The following MMAA variants were observed in gnomAD, a reference collection of about 807,000 sequenced individuals.
The protein encoded by MMAA is metabolism of cobalamin associated A.
Under a neutral mutation model 45.0 loss-of-function variants are expected in MMAA, and 41 were observed. That is an observed-to-expected ratio of 0.91 (90% CI 0.71 to 1.18). The LOEUF (loss-of-function observed/expected upper bound fraction) is 1.18. Among genes scored for constraint, MMAA ranks in the 50% most tolerant of loss-of-function variants. The probability of loss-of-function intolerance (pLI) is 0.00; values close to 1 mark genes in which losing one functional copy is unlikely to be tolerated. For synonymous variants in MMAA, 154 were observed against 178.2 expected, an observed-to-expected ratio of 0.86 and a Z score of 1.08; for missense variants, 460 against 495.7, an observed-to-expected ratio of 0.93 and a Z score of 0.68.
At chr4:145,629,444 A>G (rs1236548934) in intron 1 of MMAA, among the ~76,000 whole-genome samples, 1 of 152,178 alleles carries the variant, frequency 6.6e-6, no homozygotes, top group Non-Finnish European at 1.5e-5. Context: ...TCAGTTTGCT[A>G]GTATTTTATT....
At chr4:145,637,201 C>G (rs1366900023) in intron 1 of MMAA, among the ~76,000 whole-genome samples, 68 of 152,212 alleles carry the variant, frequency 4.5e-4, no homozygotes, top group Non-Finnish European at 1.6e-4. Context: ...CAGTTCTTGC[C>G]TGTGGGATTC....
chr4:145,652,561 T>C (rs1728123432), intron 5 of MMAA, among the ~76,000 whole-genome samples: 2 of 151,948 alleles, frequency 1.3e-5, no homozygotes, highest in Non-Finnish European at 2.9e-5. Flanking sequence ...ACCCCGTCTC[T>C]ACTAAAAATA....
intron 4 of MMAA, among the ~76,000 whole-genome samples, chr4:145,648,829 T>TA (rs935835328): frequency 2.7e-4 from 41 of 151,016 alleles, no homozygotes; most frequent in African/African-American, 9.2e-4. Flanking sequence ...TACAGAAAAA[T>TA]AAAAAAATTA....
intron 1 of MMAA, chr4:145,625,658 G>A: frequency 8.4e-7 from 1 of 1,187,504 alleles, no homozygotes; most frequent in Non-Finnish European, 1.3e-6. Flanking sequence ...GGGTCAAACT[G>A]CCCAGTCTCT....
chr4:145,646,247 T>C lies in MMAA; in HGVS notation c.733+91T>C. ...AACTTATTTTTGTTCATTCAGCAGA[T>C]ATTTGCTAAATGTATAATTAAATAC... On this transcript the variant is annotated intron_variant, in intron 4 of 6. Coordinates refer to ENST00000649156, the MANE Select transcript of MMAA (RefSeq NM_172250.3). 2.1e-6 allele frequency: 3 copies of C among 1,436,896 alleles called. No individual in the cohort carries two copies. The South Asian group carries it at 3.5e-5, about 17-fold the overall frequency. 89.0% of individuals were successfully genotyped at this position (1,436,896 alleles called of 1,614,324 possible).
At chr4:145,638,959 A>G in intron 1 of MMAA, 116 bp from the exon 2 acceptor site, 3 of 626,666 alleles carry the variant, frequency 4.8e-6, no homozygotes, top group Non-Finnish European at 8.3e-6. Context: ...TTGTACTACC[A>G]AAAACTCTGA....
chr4:145,630,031 G>C (rs113441893), intron 1 of MMAA, among the ~76,000 whole-genome samples: 8 of 151,954 alleles, frequency 5.3e-5, no homozygotes, highest in African/African-American at 1.7e-4. Context: ...TAATGAATTT[G>C]GAAATACTCC....
intron 3 of MMAA, among the ~76,000 whole-genome samples, chr4:145,644,754 T>C (rs1727879958): frequency 6.6e-6 from 1 of 152,234 alleles, no homozygotes; most frequent in Admixed American, 6.5e-5. Flanking sequence ...GGCAAAGACT[T>C]ATTTAAAGCA....
chr4:145,647,029 A>T (rs1023154634), intron 4 of MMAA, among the ~76,000 whole-genome samples: 4 of 152,194 alleles, frequency 2.6e-5, no homozygotes, highest in Non-Finnish European at 4.4e-5. Flanking sequence ...TATTTTGGAG[A>T]GATCCCTGGC....
rs141564159 is a variant in MMAA at position 145,625,252 on chromosome 4, G to A, written c.-66+5845G>A. ...CAGGAACTTCCTGTTGCTGACTCTTGAGGAGCAAGTTTTCTAAGCCCTTTA... is the reference window on the plus strand; with the variant it reads ...CAGGAACTTCCTGTTGCTGACTCTTAAGGAGCAAGTTTTCTAAGCCCTTTA... On this transcript the variant is annotated intron_variant, in intron 1 of 6. Transcript: ENST00000649156. 2.3e-4 allele frequency: 216 copies of A among 925,990 alleles called. No individual in the cohort carries two copies. The African/African-American group carries it at 3.2e-3, about 14-fold the overall frequency. The allele number at this position is 925,990 out of a possible 1,614,324, so 57.4% of individuals were successfully genotyped here. A position where few individuals can be genotyped will look rare whatever the true frequency, so the allele number is the denominator to read the frequency against.
In MMAA at chr4:145,656,902, G is replaced by A. The variant is rs561582557; in HGVS notation, c.*1468G>A. 1 of 152,272 alleles carries A rather than the reference G, an allele frequency of 6.6e-6. No individual in the cohort carries two copies. Among genetic ancestry groups the A allele is most frequent in the South Asian group, 2.1e-4 (1 of 4,826 alleles). 9.4% of individuals were successfully genotyped at this position (152,272 alleles called of 1,614,324 possible). On this transcript the variant is annotated 3_prime_UTR_variant, in exon 7 of 7. Coordinates refer to ENST00000649156, the MANE Select transcript of MMAA (RefSeq NM_172250.3). Reference sequence around the variant, plus strand: ...AGATTTTTAGTACTCCATTGGCATAGCTATTTCATACAAGGATTAGGAGAA... The same window carrying A: ...AGATTTTTAGTACTCCATTGGCATAACTATTTCATACAAGGATTAGGAGAA...
intron 6 of MMAA, 88 bp from the exon 7 acceptor site, chr4:145,655,059 T>G (rs1252921158): frequency 2.8e-6 from 4 of 1,434,250 alleles, no homozygotes; most frequent in Non-Finnish European, 3.9e-6. Flanking sequence ...TTGTAGACCG[T>G]AAGAATTAAC....
rs550522455 is a variant in MMAA at position 145,639,590 on chromosome 4, T to G, written c.439+12T>G. Reference sequence around the variant, plus strand: ...AGCATTTCGAGTAGGTCAGTCTTTTTTGTGTGTTTTCTCAGTAAATATTTT... The same window carrying G: ...AGCATTTCGAGTAGGTCAGTCTTTTGTGTGTGTTTTCTCAGTAAATATTTT... On this transcript the variant is annotated intron_variant, in intron 2 of 6. Transcript: ENST00000649156. The G allele has an allele frequency of 6.2e-7, 1 of 1,602,896 alleles. No individual in the cohort carries two copies. Among genetic ancestry groups the G allele is most frequent in the South Asian group, 1.1e-5 (1 of 89,054 alleles).
chr4:145,631,410 C>T (rs894240277), intron 1 of MMAA, among the ~76,000 whole-genome samples: 1 of 152,092 alleles, frequency 6.6e-6, no homozygotes, highest in Non-Finnish European at 1.5e-5. Context: ...CCTTCCTTGT[C>T]TCTTCTTACA....
rs974776408 is a variant in MMAA at position 145,658,508 on chromosome 4, G to A, written c.*3074G>A. The A allele has an allele frequency of 6.6e-6, 1 of 152,080 alleles. No individual in the cohort carries two copies. Among genetic ancestry groups the A allele is most frequent in the Non-Finnish European group, 1.5e-5 (1 of 68,014 alleles). The allele number at this position is 152,080 out of a possible 1,614,324, so 9.4% of individuals were successfully genotyped here. ...CAATATCAAATCTCATTAAAATGATGACAGTTATTTCAATAGTTGACAGTA... is the reference window on the plus strand; with the variant it reads ...CAATATCAAATCTCATTAAAATGATAACAGTTATTTCAATAGTTGACAGTA... On this transcript the variant is annotated 3_prime_UTR_variant, in exon 7 of 7. Transcript: ENST00000649156.
chr4:145,655,029 C>T, intron 6 of MMAA, 118 bp from the exon 7 acceptor site: 1 of 1,070,040 alleles, frequency 9.3e-7, no homozygotes, highest in Non-Finnish European at 1.4e-6. Context: ...TAAAATCTCA[C>T]TCTTGTCAAT....
At position 145,646,096 on chromosome 4, in the gene MMAA, A is replaced by G. The variant is rs750014244; in HGVS notation, c.673A>G (p.Asn225Asp). 3.7e-6 allele frequency: 6 copies of G among 1,614,010 alleles called. No individual in the cohort carries two copies. Among genetic ancestry groups the G allele is most frequent in the East Asian group, 2.2e-5 (1 of 44,884 alleles). Residue 225 changes from asparagine (N) to aspartate (D), a missense_variant, in exon 4 of 7, where the codon AAT (asparagine) becomes GAT (aspartate). Physicochemically the swap from Asn to Asp is conservative, Grantham distance 23. Coordinates refer to ENST00000649156, the MANE Select transcript of MMAA (RefSeq NM_172250.3). ...GTLGGVTRTTNEAILLCEGAG... is the reference protein window; with the variant it reads ...GTLGGVTRTTDEAILLCEGAG... ...TTTAGGAGGCGTGACAAGGACCACA[A>G]ATGAAGCTATTCTGTTGTGTGAAGG...
At chr4:145,633,531 C>T (rs1303249197) in intron 1 of MMAA, among the ~76,000 whole-genome samples, 1 of 152,204 alleles carries the variant, frequency 6.6e-6, no homozygotes, top group Non-Finnish European at 1.5e-5. Flanking sequence ...CTCAAAACAG[C>T]TATTTTGAAT....
chr4:145,641,527 A>G (rs1727782290), intron 2 of MMAA, among the ~76,000 whole-genome samples: 1 of 152,218 alleles, frequency 6.6e-6, no homozygotes. Flanking sequence ...TTAAATGTCT[A>G]TGTTTTATAT....
Sources: gnomAD v4.1 joint callset for allele counts (sites outside exome capture counted in the v4.1 genomes callset) on GRCh38, gnomAD v4.1.1 for gene constraint, MANE v1.5 for transcripts, NCBI Gene and HGNC (gene_info 2026-07-23, HGNC 2026-07-21) for gene names.